UGGT1: variants seen among roughly 807,000 people sequenced by gnomAD.
UGGT1 encodes UDP-glucose:glycoprotein glucosyltransferase 1.
In UGGT1, 107 loss-of-function variants were observed where a neutral mutation model predicts 203.9. That is an observed-to-expected ratio of 0.52 (90% confidence interval 0.45 to 0.62). The LOEUF (loss-of-function observed/expected upper bound fraction) is 0.62, where lower values mean the gene tolerates loss of function less well. Ranked by LOEUF, UGGT1 falls within the 20% of genes least tolerant of loss-of-function variation. UGGT1 has a pLI of 0.00. For missense variants in UGGT1, 1,673 were observed against 1,867.2 expected, an observed-to-expected ratio of 0.90 and a Z score of 1.92; for synonymous variants, 628 against 653.5, an observed-to-expected ratio of 0.96 and a Z score of 0.59.
At chr2:128,099,481 C>G (rs936747510) in intron 2 of UGGT1, among the ~76,000 whole-genome samples, 7 of 152,100 alleles carry the variant, frequency 4.6e-5, no homozygotes, top group African/African-American at 1.7e-4. Flanking sequence ...CCCTTAATTC[C>G]TAGAAAAATG....
At chr2:128,161,512 G>T (rs576714766) in intron 25 of UGGT1, among the ~76,000 whole-genome samples, 46 of 152,042 alleles carry the variant, frequency 3.0e-4, no homozygotes, top group African/African-American at 1.1e-3. Flanking sequence ...ATAATTTTTG[G>T]TTGTGGAAAA....
At chr2:128,168,924 G>A (rs914787611) in intron 26 of UGGT1, among the ~76,000 whole-genome samples, 1 of 151,978 alleles carries the variant, frequency 6.6e-6, no homozygotes, top group Non-Finnish European at 1.5e-5. Context: ...GCATGTGCCT[G>A]TAATCCCAGC....
chr2:128,185,316 T>C (rs1299771898), intron 38 of UGGT1, among the ~76,000 whole-genome samples: 1 of 148,772 alleles, frequency 6.7e-6, no homozygotes, highest in East Asian at 2.0e-4. Context: ...TACAGAGGCG[T>C]GCCACCACAC....
In UGGT1 at chr2:128,186,603, T is replaced by C. The variant is rs558089836; in HGVS notation, c.4360-80T>C. 2.5e-6 allele frequency: 3 copies of C among 1,185,460 alleles called. No individual in the cohort carries two copies. The East Asian group carries it at 8.1e-5, about 32-fold the overall frequency. The allele number at this position is 1,185,460 out of a possible 1,614,324, so 73.4% of individuals were successfully genotyped here. On this transcript the variant is annotated intron_variant, in intron 38 of 40. Coordinates refer to ENST00000259253, the MANE Select transcript of UGGT1 (RefSeq NM_020120.4). ...ACCTGGGTGACAGAGTGGGACCCCA[T>C]CTCTCAATAAATAAATAAATAAATA...
chr2:128,137,076 G>T (rs1038229527), intron 15 of UGGT1, among the ~76,000 whole-genome samples: 6 of 151,326 alleles, frequency 4.0e-5, no homozygotes, highest in Non-Finnish European at 8.8e-5. Context: ...CTGCCCTTTT[G>T]TCTCCATTTT....
Position 128,180,956 on chromosome 2 carries a change from C to T in UGGT1, c.3967C>T (p.Arg1323Trp), listed in dbSNP as rs367781664. ...QYELVQYKWP[R>W]WLHQQTEKQR... ...TGAGCTTGTTCAGTACAAATGGCCC[C>T]GGTGGCTTCATCAACAAACTGAAAA... is the stretch of plus-strand genomic sequence containing the variant. Residue 1323 changes from arginine (R) to tryptophan (W), a missense_variant, in exon 36 of 41, where the codon CGG becomes TGG. By Grantham distance (101) the Arg-to-Trp change is moderately radical. This residue lies in a region of UGGT1 where 513 missense variants were observed against 684.1 expected (regional missense o/e 0.75). Coordinates refer to ENST00000259253, the MANE Select transcript of UGGT1 (RefSeq NM_020120.4). 1.5e-5 allele frequency: 24 copies of T among 1,613,980 alleles called. No homozygotes were observed. Among genetic ancestry groups the T allele is most frequent in the African/African-American group, 4.0e-5 (3 of 74,902 alleles).
chr2:128,176,170 T>C (rs929000628), intron 31 of UGGT1, among the ~76,000 whole-genome samples: 1 of 152,058 alleles, frequency 6.6e-6, no homozygotes, highest in Non-Finnish European at 1.5e-5. Flanking sequence ...TCCCAACACT[T>C]TGGGAGGCCG....
At chr2:128,187,210 T>G in intron 39 of UGGT1, 1 of 390,704 alleles carries the variant, frequency 2.6e-6, no homozygotes, top group Non-Finnish European at 4.5e-6. Context: ...TCTCTGTGCC[T>G]TGTAATTTTT....
intron 15 of UGGT1, among the ~76,000 whole-genome samples, chr2:128,135,520 T>C (rs1689092090): frequency 6.6e-6 from 1 of 152,212 alleles, no homozygotes; most frequent in African/African-American, 2.4e-5. Context: ...TAATTTTACA[T>C]GTTGGTGAAA....
intron 27 of UGGT1, among the ~76,000 whole-genome samples, 173 bp from the exon 28 acceptor site, chr2:128,171,032 G>A (rs1301650249): frequency 6.6e-6 from 1 of 152,212 alleles, no homozygotes; most frequent in Admixed American, 6.5e-5. Flanking sequence ...CACGTCCTAT[G>A]TATGTGTGAT....
intron 5 of UGGT1, among the ~76,000 whole-genome samples, chr2:128,110,358 C>T (rs112475114): frequency 1.4e-4 from 22 of 152,264 alleles, no homozygotes; most frequent in African/African-American, 5.1e-4. Context: ...CCTCTCAGTA[C>T]TGCTAATGGC....
chr2:128,141,498 G>A (rs1292446476), intron 16 of UGGT1, among the ~76,000 whole-genome samples: 3 of 151,726 alleles, frequency 2.0e-5, no homozygotes, highest in South Asian at 2.1e-4. Flanking sequence ...CCAGCTACTC[G>A]GGAGGCTGAG....
chr2:128,100,018 A>AACCC (rs1553431313), intron 2 of UGGT1, among the ~76,000 whole-genome samples: 2 of 34,910 alleles, frequency 5.7e-5, no homozygotes, highest in Non-Finnish European at 1.0e-4. Flanking sequence ...GAGATTTACA[A>AACCC]CCCCCCCCCC....
intron 34 of UGGT1, 30 bp from the exon 35 acceptor site, chr2:128,179,755 CT>C (rs1691589112): frequency 1.3e-6 from 2 of 1,558,782 alleles, no homozygotes; most frequent in Non-Finnish European, 1.8e-6. Flanking sequence ...CATTGGAAAG[CT>C]GTTATTAATT....
Position 128,126,938 on chromosome 2 carries a change from C to T in UGGT1, c.1135-423C>T, listed in dbSNP as rs186030623. ...CCTCAAGTGATCCACCTGCCTTGGC[C>T]TCCCCAAGTGCTGAGATTACAGGTG... On this transcript the variant is annotated intron_variant, in intron 11 of 40. Transcript: ENST00000259253. Among the ~76,000 whole-genome samples the T allele has an allele frequency of 3.0e-3, 461 of 152,196 alleles. 20 individuals are homozygous for T. Among genetic ancestry groups the T allele is most frequent in the Admixed American group, 0.028 (424 of 15,268 alleles).
rs1314078877 is a variant in UGGT1, at chr2:128,104,642, A to AT, written c.277+637dup. Among the ~76,000 whole-genome samples, 10 of 151,682 alleles carry AT rather than the reference A, an allele frequency of 6.6e-5. No homozygotes were observed. In the East Asian group the frequency reaches 1.4e-3, roughly 21 times the overall value. ...ACATTGACAGATATAGGTTATTATT[A>AT]TTTTTTTTTAATTTTTATTTTTTGA... On this transcript the variant is annotated intron_variant, in intron 3 of 40. Coordinates refer to ENST00000259253, the MANE Select transcript of UGGT1 (RefSeq NM_020120.4).
At chr2:128,131,972 C>T (rs1688901516) in intron 13 of UGGT1, among the ~76,000 whole-genome samples, 1 of 152,066 alleles carries the variant, frequency 6.6e-6, no homozygotes, top group African/African-American at 2.4e-5. Flanking sequence ...TAGTCTTCAA[C>T]TTTATTAGAT....
chr2:128,102,954 T>C lies in UGGT1; in HGVS notation c.195-978T>C, dbSNP rs77377184. 1.6e-4 allele frequency: 68 copies of C among 423,114 alleles called. 2 individuals are homozygous for C. In the East Asian group the frequency reaches 4.5e-3, roughly 28 times the overall value. The allele number at this position is 423,114 out of a possible 1,614,324, so 26.2% of individuals were successfully genotyped here. On this transcript the variant is annotated intron_variant, in intron 2 of 40. Coordinates refer to ENST00000259253, the MANE Select transcript of UGGT1 (RefSeq NM_020120.4). ...GTTACTAGAAAGCCTAGAAAAATAC[T>C]ACTTTCAAGGAGGCATTGAGAAATT...
intron 4 of UGGT1, among the ~76,000 whole-genome samples, 195 bp downstream of exon 4, chr2:128,108,263 A>AG (rs1553432666): frequency 8.0e-6 from 1 of 124,336 alleles, no homozygotes; most frequent in Non-Finnish European, 1.7e-5. Context: ...TAAAAAAATA[A>AG]AAGAATATCT....
Sources: allele counts gnomAD v4.1 joint callset (sites outside exome capture counted in the v4.1 genomes callset), GRCh38; gene constraint gnomAD v4.1.1; regional missense constraint gnomAD v4.1.1; transcripts MANE v1.5; gene names NCBI Gene and HGNC (gene_info 2026-07-23, HGNC 2026-07-21).